SPAG17: variants seen among roughly 807,000 people sequenced by gnomAD.
SPAG17 encodes the protein sperm associated antigen 17.
SPAG17 carries 169 observed loss-of-function variants against 273.6 expected under a neutral mutation model. The observed-to-expected ratio is 0.62, with a 90% CI of 0.55 to 0.70. SPAG17 has a LOEUF of 0.70. Among genes scored for constraint, SPAG17 ranks in the 30% least tolerant of loss-of-function variants. The pLI, the probability that SPAG17 is intolerant of heterozygous loss-of-function variation, is 0.00. For synonymous variants in SPAG17, 825 were observed against 873.2 expected (o/e 0.94, Z 0.97); for missense variants, 2,557 against 2,627.8 (o/e 0.97, Z 0.59).
intron 18 of SPAG17, among the ~76,000 whole-genome samples, chr1:118,061,210 CA>C (rs995400302): frequency 2.0e-5 from 3 of 151,604 alleles, no homozygotes; most frequent in East Asian, 1.9e-4. Context: ...AGTATATATG[CA>C]AAAAAAATTG....
At chr1:118,032,757 A>G (rs1648628166) in intron 24 of SPAG17, among the ~76,000 whole-genome samples, 1 of 151,502 alleles carries the variant, frequency 6.6e-6, no homozygotes. Context: ...ACGCCTGGCT[A>G]ATTTTTTTGT....
chr1:118,097,167 G>A (rs1039200589), intron 7 of SPAG17, among the ~76,000 whole-genome samples: 53 of 151,832 alleles, frequency 3.5e-4, no homozygotes, highest in African/African-American at 1.2e-3. Context: ...CTCAGGAGGC[G>A]GAGGTTGCAG....
intron 48 of SPAG17, chr1:117,959,079 C>A: frequency 1.4e-6 from 2 of 1,461,866 alleles, no homozygotes; most frequent in South Asian, 1.2e-5. Context: ...GTATGCTGTG[C>A]TTTGTCTTTA....
At chr1:118,093,126 TCCCA>T in intron 8 of SPAG17, 26 bp downstream of exon 8, 1 of 1,581,370 alleles carries the variant, frequency 6.3e-7, no homozygotes, top group East Asian at 2.2e-5. Flanking sequence ...GAATCATTCA[TCCCA>T]CTAAAGACAT....
chr1:117,971,682 C>G (rs910834427), intron 45 of SPAG17, 181 bp downstream of exon 45: 2 of 473,840 alleles, frequency 4.2e-6, no homozygotes, highest in Non-Finnish European at 7.3e-6. Context: ...CCGATAAACA[C>G]TCACTGATTT....
chr1:118,054,716 C>A (rs965445834), intron 19 of SPAG17, among the ~76,000 whole-genome samples: 4 of 151,932 alleles, frequency 2.6e-5, no homozygotes, highest in African/African-American at 9.7e-5. Context: ...ATAGTCCTAT[C>A]TATTTATTTT....
chr1:118,133,822 T>G (rs1386617586), intron 3 of SPAG17, among the ~76,000 whole-genome samples: 1 of 152,212 alleles, frequency 6.6e-6, no homozygotes, highest in East Asian at 1.9e-4. Flanking sequence ...TGAAATTACT[T>G]AAAGGAAATA....
chr1:118,059,804 C>A (rs994806638), intron 18 of SPAG17, among the ~76,000 whole-genome samples: 4 of 152,054 alleles, frequency 2.6e-5, no homozygotes, highest in African/African-American at 9.7e-5. Flanking sequence ...TTTTCTCTCT[C>A]CTCACTTTCA....
chr1:118,095,728 A>C (rs1480248303), intron 7 of SPAG17, among the ~76,000 whole-genome samples: 1 of 152,322 alleles, frequency 6.6e-6, no homozygotes, highest in South Asian at 2.1e-4. Flanking sequence ...TTTTTTTAGT[A>C]TAATCTAGAG....
At chr1:118,089,694 G>A (rs1655243355) in intron 10 of SPAG17, among the ~76,000 whole-genome samples, 1 of 152,112 alleles carries the variant, frequency 6.6e-6, no homozygotes, top group Non-Finnish European at 1.5e-5. Flanking sequence ...AGATTCACTA[G>A]GTTTTAAGTC....
intron 3 of SPAG17, among the ~76,000 whole-genome samples, chr1:118,143,642 T>A (rs955625942): frequency 1.3e-5 from 2 of 152,238 alleles, no homozygotes; most frequent in African/African-American, 4.8e-5. Context: ...GTGGTAACTT[T>A]TATTATCACC....
chr1:118,027,484 T>G (rs544555521), intron 26 of SPAG17, among the ~76,000 whole-genome samples: 1 of 152,212 alleles, frequency 6.6e-6, no homozygotes, highest in South Asian at 2.1e-4. Flanking sequence ...GCTGATGTTA[T>G]GTAATATTTA....
At chr1:118,142,796 A>T (rs1017850403) in intron 3 of SPAG17, among the ~76,000 whole-genome samples, 1 of 152,198 alleles carries the variant, frequency 6.6e-6, no homozygotes, top group Non-Finnish European at 1.5e-5. Flanking sequence ...ACATGATCCC[A>T]GGCAGTCTGG....
At chr1:118,063,221 T>C (rs1298499923) in intron 18 of SPAG17, among the ~76,000 whole-genome samples, 1 of 152,114 alleles carries the variant, frequency 6.6e-6, no homozygotes, top group Non-Finnish European at 1.5e-5. Context: ...CTTCACAGAA[T>C]TGGAAAAAAC....
intron 13 of SPAG17, 42 bp downstream of exon 13, chr1:118,085,880 T>C (rs747100200): frequency 1.3e-6 from 2 of 1,529,714 alleles, no homozygotes; most frequent in Non-Finnish European, 1.8e-6. Context: ...ATATGACCAT[T>C]AATTAAATTG....
chr1:118,112,921 T>C (rs1172735238), intron 4 of SPAG17, among the ~76,000 whole-genome samples: 1 of 152,130 alleles, frequency 6.6e-6, no homozygotes, highest in Non-Finnish European at 1.5e-5. Flanking sequence ...ATTAAAACTA[T>C]ATTATTTATC....
chr1:118,081,065 AC>A, intron 15 of SPAG17, 35 bp downstream of exon 15: 1 of 728,108 alleles, frequency 1.4e-6, no homozygotes, highest in Non-Finnish European at 1.9e-6. Flanking sequence ...TCTTACACAC[AC>A]ACACACACAC....
At chr1:118,012,608 A>G (rs1329058745) in intron 29 of SPAG17, among the ~76,000 whole-genome samples, 1 of 152,246 alleles carries the variant, frequency 6.6e-6, no homozygotes, top group Admixed American at 6.5e-5. Flanking sequence ...AAAGTCATGC[A>G]GCAAGTAAGT....
rs747534930 is a variant in SPAG17 at position 118,012,191 on chromosome 1, A to G, written c.4432+37T>C. 5 of 1,589,788 alleles carry G rather than the reference A, an allele frequency of 3.1e-6. No homozygotes were observed. In the East Asian group the frequency reaches 1.1e-4, roughly 36 times the overall value. ...TCTATCTAACTTACGCTAAAGAGTT[A>G]TAAAATATTGTCATGTACTCAGAAA... is the stretch of plus-strand genomic sequence containing the variant. On this transcript the variant is annotated intron_variant, in intron 30 of 48. Coordinates refer to ENST00000336338, the MANE Select transcript of SPAG17 (RefSeq NM_206996.4).
Sources: gnomAD v4.1 joint callset for allele counts (sites outside exome capture counted in the v4.1 genomes callset) on GRCh38, gnomAD v4.1.1 for gene constraint, MANE v1.5 for transcripts, NCBI Gene and HGNC (gene_info 2026-07-23, HGNC 2026-07-21) for gene names.